The following BRWD1 variants were observed in gnomAD, a reference collection of about 807,000 sequenced individuals.
BRWD1 encodes the protein bromodomain and WD repeat-containing protein 1.
Under a neutral mutation model 251.2 loss-of-function variants are expected in BRWD1, and 82 were observed. That is an observed-to-expected ratio of 0.33 (90% CI 0.27 to 0.39). The LOEUF (loss-of-function observed/expected upper bound fraction) is 0.39, where lower values mean the gene tolerates loss of function less well. Ranked by LOEUF, BRWD1 falls within the 10% of genes least tolerant of loss-of-function variation. The pLI, the probability that BRWD1 is intolerant of heterozygous loss-of-function variation, is 1.00. For missense variants in BRWD1, 2,233 were observed against 2,711.6 expected (o/e 0.82, Z 3.92); for synonymous variants, 918 against 902.8 (o/e 1.02, Z -0.30).
intron 4 of BRWD1, among the ~76,000 whole-genome samples, chr21:39,301,639 G>A (rs2036115841): frequency 6.6e-6 from 1 of 152,122 alleles, no homozygotes; most frequent in South Asian, 2.1e-4. Context: ...GCTGTGTCTG[G>A]ACCGCTGACT....
chr21:39,298,847 G>GAA (rs1257132191), intron 4 of BRWD1, among the ~76,000 whole-genome samples: 2 of 151,916 alleles, frequency 1.3e-5, no homozygotes, highest in African/African-American at 4.8e-5. Context: ...AAATGACCTG[G>GAA]AAAAGCACCT....
In BRWD1 at chr21:39,210,905, T is replaced by C. The variant is rs1013173760; in HGVS notation, c.3925A>G (p.Arg1309Gly). ...TTGCTTTCAACATAGTTCGTAGCTC[T>C]GATGCTTTTTTTCCCATCATGGACC... ...RRVHDGKKSIRATNYVESNWK... is the reference protein window; with the variant it reads ...RRVHDGKKSIGATNYVESNWK... Residue 1309 changes from arginine to glycine, a missense_variant, in exon 35 of 41, where the codon AGA (arginine) becomes GGA (glycine). By Grantham distance (125) the Arg-to-Gly change is moderately radical. Coordinates refer to ENST00000342449, the MANE Select transcript of BRWD1 (RefSeq NM_033656.4). 5.6e-6 allele frequency: 9 copies of C among 1,611,628 alleles called. No homozygotes were observed. Among genetic ancestry groups the C allele is most frequent in the African/African-American group, 5.3e-5 (4 of 74,790 alleles).
upstream of BRWD1, chr21:39,314,385 C>A (rs1351041794): frequency 1.1e-5 from 5 of 453,908 alleles, no homozygotes; most frequent in South Asian, 7.8e-5. Context: ...CGCGCAGCTG[C>A]GGCTGACGGC....
chr21:39,195,046 T>C lies in BRWD1; in HGVS notation c.*1213A>G, dbSNP rs2031739536. The C allele has an allele frequency of 1.5e-6, 2 of 1,323,538 alleles. No homozygotes were observed. Among genetic ancestry groups the C allele is most frequent in the Admixed American group, 3.5e-5 (1 of 28,526 alleles). The allele number at this position is 1,323,538 out of a possible 1,614,324, so 82.0% of individuals were successfully genotyped here. Reference sequence around the variant, plus strand: ...ATCAAGTATTTGGTTAGAAAATAAGTGTACTATTTGTGTGATAAACTTTCA... The same window carrying C: ...ATCAAGTATTTGGTTAGAAAATAAGCGTACTATTTGTGTGATAAACTTTCA... On this transcript the variant is annotated 3_prime_UTR_variant, in exon 41 of 41. Coordinates refer to ENST00000342449, the MANE Select transcript of BRWD1 (RefSeq NM_033656.4).
At chr21:39,239,395 T>G (rs2033916249) in intron 21 of BRWD1, among the ~76,000 whole-genome samples, 1 of 152,192 alleles carries the variant, frequency 6.6e-6, no homozygotes, top group African/African-American at 2.4e-5. Flanking sequence ...TTATTTTGTA[T>G]GTGAATGTCC....
At chr21:39,261,887 T>C (rs995963412) in intron 17 of BRWD1, among the ~76,000 whole-genome samples, 1 of 152,204 alleles carries the variant, frequency 6.6e-6, no homozygotes, top group Admixed American at 6.5e-5. Flanking sequence ...GTAAATACTC[T>C]ACACTTAATA....
At position 39,308,569 on chromosome 21, in the gene BRWD1, G is replaced by A. The variant is rs188640418; in HGVS notation, c.198+4272C>T. On this transcript the variant is annotated intron_variant, in intron 4 of 40. Coordinates refer to ENST00000342449, the MANE Select transcript of BRWD1 (RefSeq NM_033656.4). Reference sequence around the variant, plus strand: ...AATAACAGCATGGTCACAAGTTTAAGATAAATTGTGGCTTTACAAACACTA... The same window carrying A: ...AATAACAGCATGGTCACAAGTTTAAAATAAATTGTGGCTTTACAAACACTA... 4.7e-3 allele frequency among the ~76,000 whole-genome samples: 710 copies of A among 150,538 alleles called. 11 individuals carry two copies. Among genetic ancestry groups the A allele is most frequent in the African/African-American group, 0.017 (688 of 40,980 alleles).
intron 13 of BRWD1, 69 bp from the exon 14 acceptor site, chr21:39,270,502 T>C (rs1467051010): frequency 7.6e-7 from 1 of 1,308,738 alleles, no homozygotes; most frequent in African/African-American, 1.5e-5. Context: ...CAATCTCTCA[T>C]CAATACAAAA....
intron 31 of BRWD1, chr21:39,217,068 TATATATATATATATA>T (rs2032965103): frequency 3.5e-4 from 4 of 11,306 alleles, no homozygotes; most frequent in Non-Finnish European, 6.8e-4. Flanking sequence ...TATATATATA[TATATATATATATATA>T]TTTTTTTTTT....
upstream of BRWD1, chr21:39,317,332 G>A (rs761827186): frequency 1.3e-5 from 2 of 152,224 alleles, no homozygotes; most frequent in Non-Finnish European, 2.9e-5. Flanking sequence ...TACATGGTAA[G>A]CAAGTGTTGG....
At chr21:39,314,182 CG>C, upstream of BRWD1, 1 of 455,984 alleles carries the variant, frequency 2.2e-6, no homozygotes, top group Admixed American at 2.3e-5. Context: ...ATTGGCTCGC[CG>C]CGCCTCCCGC....
chr21:39,308,336 G>A (rs779835039), intron 4 of BRWD1, among the ~76,000 whole-genome samples: 7 of 152,078 alleles, frequency 4.6e-5, no homozygotes, highest in Non-Finnish European at 1.0e-4. Flanking sequence ...ACAAAAAGTA[G>A]CCAGGCATAG....
chr21:39,185,104 T>C (rs1437015320), downstream of BRWD1: 3 of 152,104 alleles, frequency 2.0e-5, no homozygotes, highest in Non-Finnish European at 4.4e-5. Flanking sequence ...CAAATGCTTA[T>C]TTCATGCAGT....
At chr21:39,220,006 G>A (rs1027155712) in intron 29 of BRWD1, among the ~76,000 whole-genome samples, 8 of 151,720 alleles carry the variant, frequency 5.3e-5, no homozygotes, top group African/African-American at 1.9e-4. Flanking sequence ...GAAAGACGCT[G>A]TACAGGCAGG....
intron 26 of BRWD1, 52 bp from the exon 27 acceptor site, chr21:39,228,634 G>A (rs1472774711): frequency 1.9e-6 from 2 of 1,038,028 alleles, no homozygotes; most frequent in Non-Finnish European, 3.0e-6. Context: ...AGGTTATATA[G>A]TCTAAAAGCA....
chr21:39,197,424 T>C lies in BRWD1; in HGVS notation c.5654-9A>G. On this transcript the variant is annotated splice_polypyrimidine_tract_variant and intron_variant, in intron 40 of 40. Transcript: ENST00000342449. ...GTCTTGTGATGCAGAATCTAAAAGT[T>C]AAAGAGCAGATTTCTATTAATCTTT... The C allele has an allele frequency of 6.5e-7, 1 of 1,538,916 alleles. No homozygotes were observed. The highest frequency in any genetic ancestry group is 8.8e-7 in the Non-Finnish European group (1 of 1,142,568).
chr21:39,286,572 T>G (rs1391169910), intron 8 of BRWD1, among the ~76,000 whole-genome samples: 2 of 151,810 alleles, frequency 1.3e-5, no homozygotes, highest in Non-Finnish European at 2.9e-5. Flanking sequence ...GGAAGTGCAG[T>G]GGCGCAATCT....
rs2031467432 is a variant in BRWD1, at chr21:39,190,067, T to C, written c.*6192A>G. The C allele has an allele frequency of 1.0e-6, 1 of 985,278 alleles. No homozygotes were observed. The highest frequency in any genetic ancestry group is 6.2e-5 in the Admixed American group (1 of 16,246). 61.0% of individuals were successfully genotyped at this position (985,278 alleles called of 1,614,324 possible). ...ACTGTACATCTGTAGTAGCACTCCA[T>C]GATCATTTCCCTGGATGACCACTTT... On this transcript the variant is annotated 3_prime_UTR_variant, in exon 41 of 41. Transcript: ENST00000342449.
In BRWD1 at chr21:39,197,083, C is replaced by CCTTT; in HGVS notation, c.5985_5986insAAAG (p.Gly1996LysfsTer6). On this transcript the variant is annotated frameshift_variant, in exon 41 of 41. Coordinates refer to ENST00000342449, the MANE Select transcript of BRWD1 (RefSeq NM_033656.4). LOFTEE classifies it low-confidence loss of function (END_TRUNC). ...TCGGAGTCAGGATCAGGTGGCTTGC[C>CCTTT]TTCACAGGCATACTGTTCACTTGGT... is the stretch of plus-strand genomic sequence containing the variant. 1 of 1,614,122 alleles carries CCTTT rather than the reference C, an allele frequency of 6.2e-7. No individual in the cohort carries two copies. Among genetic ancestry groups the CCTTT allele is most frequent in the Non-Finnish European group, 8.5e-7 (1 of 1,179,974 alleles).
Sources: gnomAD v4.1 joint callset for allele counts (sites outside exome capture counted in the v4.1 genomes callset) on GRCh38, gnomAD v4.1.1 for gene constraint, MANE v1.5 for transcripts, NCBI Gene and HGNC (gene_info 2026-07-23, HGNC 2026-07-21) for gene names.